PDE12: variants seen among roughly 807,000 people sequenced by gnomAD.
PDE12 encodes the protein 2',5'-phosphodiesterase 12.
A neutral mutation model predicts 45.4 loss-of-function variants in PDE12; 26 were observed. The observed-to-expected ratio is 0.57, with a 90% confidence interval of 0.42 to 0.79. The LOEUF (loss-of-function observed/expected upper bound fraction) is 0.79, where lower values mean the gene tolerates loss of function less well. PDE12 is among the 30% of genes least tolerant of loss of function. The pLI, the probability that PDE12 is intolerant of heterozygous loss-of-function variation, is 0.00. For missense variants in PDE12, 668 were observed against 790.0 expected, an observed-to-expected ratio of 0.85 and a Z score of 1.85; for synonymous variants, 283 against 323.9, an observed-to-expected ratio of 0.87 and a Z score of 1.36.
At chr3:57,645,790 C>T in the PDE12 span, 1 of 1,520,860 alleles carries the variant, frequency 6.6e-7, no homozygotes, top group South Asian at 1.1e-5. Flanking sequence ...AAATAAAGGA[C>T]ACAGAAATTA....
At chr3:57,568,068 C>CAAAAAAAA (rs11360766), downstream of PDE12, among the ~76,000 whole-genome samples, 10 of 47,542 alleles carry the variant, frequency 2.1e-4, 2 homozygotes, top group African/African-American at 9.9e-4. Flanking sequence ...GACTCCATCT[C>CAAAAAAAA]AAAAAAAAAA....
At chr3:57,588,853 A>T in the PDE12 span, among the ~76,000 whole-genome samples, 1 of 151,928 alleles carries the variant, frequency 6.6e-6, no homozygotes, top group Non-Finnish European at 1.5e-5. Flanking sequence ...CTGTAATCCC[A>T]GCACTTTGGG....
At chr3:57,613,387 G>A in the PDE12 span, among the ~76,000 whole-genome samples, 4 of 150,282 alleles carry the variant, frequency 2.7e-5, no homozygotes, top group African/African-American at 7.4e-5. Context: ...TCTGCTGCCC[G>A]GGTTCAGGTG....
the PDE12 span, among the ~76,000 whole-genome samples, chr3:57,576,361 G>T: frequency 6.6e-6 from 1 of 152,090 alleles, no homozygotes; most frequent in Non-Finnish European, 1.5e-5. Flanking sequence ...GACTGCTAAT[G>T]GTCCAAGATT....
the PDE12 span, among the ~76,000 whole-genome samples, chr3:57,653,829 G>T: frequency 6.9e-6 from 1 of 145,650 alleles, no homozygotes; most frequent in Non-Finnish European, 1.5e-5. Context: ...GGAAATCACT[G>T]GGTTTTTTTT....
At chr3:57,588,166 G>A in the PDE12 span, among the ~76,000 whole-genome samples, 2 of 152,050 alleles carry the variant, frequency 1.3e-5, no homozygotes, top group South Asian at 2.1e-4. Flanking sequence ...CCTCCCCTCC[G>A]TGTCCAGAAA....
In PDE12 at chr3:57,564,733, A is replaced by G. The variant is rs1381958587; in HGVS notation, c.*4729A>G. 1 of 151,830 alleles carries G rather than the reference A, an allele frequency of 6.6e-6. No homozygotes were observed. The highest frequency in any genetic ancestry group is 1.5e-5 in the Non-Finnish European group (1 of 67,980). 9.4% of individuals were successfully genotyped at this position (151,830 alleles called of 1,614,324 possible). A position where few individuals can be genotyped will look rare whatever the true frequency, so the allele number is the denominator to read the frequency against. Reference sequence around the variant, plus strand: ...AGGCTTGGAGGGCACTGGTGCCATCACGGCTTACTGCAACCTCCACCTCCT... The same window carrying G: ...AGGCTTGGAGGGCACTGGTGCCATCGCGGCTTACTGCAACCTCCACCTCCT... On this transcript the variant is annotated 3_prime_UTR_variant, in exon 3 of 3. Transcript: ENST00000311180.
chr3:57,628,963 T>C, the PDE12 span: 1 of 1,296,898 alleles, frequency 7.7e-7, no homozygotes, highest in South Asian at 1.4e-5. Flanking sequence ...GTAAGGCTAC[T>C]GTGAAGGAAA....
At chr3:57,618,493 C>G in the PDE12 span, among the ~76,000 whole-genome samples, 1 of 151,622 alleles carries the variant, frequency 6.6e-6, no homozygotes, top group Non-Finnish European at 1.5e-5. Context: ...ACGGTGATGG[C>G]TCACTGCAGC....
chr3:57,605,253 G>C, the PDE12 span, among the ~76,000 whole-genome samples: 2 of 152,284 alleles, frequency 1.3e-5, 1 homozygote, highest in South Asian at 4.2e-4. Flanking sequence ...CAGAATTCCA[G>C]AGAGGAGAGA....
the PDE12 span, among the ~76,000 whole-genome samples, chr3:57,649,319 T>G: frequency 9.9e-5 from 15 of 152,124 alleles, no homozygotes; most frequent in African/African-American, 3.6e-4. Context: ...ACCTCACTCC[T>G]GCAAGAATAG....
At chr3:57,628,257 G>A in the PDE12 span, 2 of 1,613,974 alleles carry the variant, frequency 1.2e-6, no homozygotes, top group Non-Finnish European at 1.7e-6. Flanking sequence ...CAAGTCCTCT[G>A]GCAATGCTAA....
the PDE12 span, among the ~76,000 whole-genome samples, chr3:57,593,408 T>A: frequency 6.6e-6 from 1 of 152,056 alleles, no homozygotes; most frequent in Non-Finnish European, 1.5e-5. Flanking sequence ...GAAACAAATA[T>A]AAAACACCAC....
chr3:57,608,800 C>T, the PDE12 span, among the ~76,000 whole-genome samples: 4 of 152,132 alleles, frequency 2.6e-5, no homozygotes, highest in Non-Finnish European at 5.9e-5. Flanking sequence ...GAGCCTTTAA[C>T]ACCCCACTGT....
chr3:57,587,918 G>C, the PDE12 span, among the ~76,000 whole-genome samples: 3 of 152,070 alleles, frequency 2.0e-5, no homozygotes, highest in African/African-American at 7.2e-5. Context: ...AAGAGTTTTT[G>C]AAAAAGGTAT....
chr3:57,643,933 G>A, the PDE12 span, among the ~76,000 whole-genome samples: 8 of 151,494 alleles, frequency 5.3e-5, no homozygotes, highest in Non-Finnish European at 1.2e-4. Context: ...GGCAGATCAC[G>A]AGGTCAGGAG....
the PDE12 span, chr3:57,628,366 A>G: frequency 1.2e-6 from 2 of 1,609,988 alleles, no homozygotes; most frequent in Admixed American, 1.7e-5. Context: ...AACATTTCAT[A>G]ACATTTAAAT....
rs753976694 is a variant in PDE12 at position 57,566,270 on chromosome 3, TCTTTTA to T, written c.*6270_*6275del. The stretch of plus-strand genomic sequence containing the variant: ...TTTATGTAGTCTTTTGTGACTGGCT[TCTTTTA>T]CTTAGGATGTTTTTAAGGTTCTTAC... On this transcript the variant is annotated 3_prime_UTR_variant, in exon 3 of 3. Coordinates refer to ENST00000311180, the MANE Select transcript of PDE12 (RefSeq NM_177966.7). 1 of 152,226 alleles carries T rather than the reference TCTTTTA, an allele frequency of 6.6e-6. No individual in the cohort carries two copies. Among genetic ancestry groups the T allele is most frequent in the Non-Finnish European group, 1.5e-5 (1 of 68,044 alleles). 9.4% of individuals were successfully genotyped at this position (152,226 alleles called of 1,614,324 possible). A position where few individuals can be genotyped will look rare whatever the true frequency, so the allele number is the denominator to read the frequency against.
chr3:57,619,144 T>C, the PDE12 span, among the ~76,000 whole-genome samples: 1 of 151,600 alleles, frequency 6.6e-6, no homozygotes, highest in Non-Finnish European at 1.5e-5. Flanking sequence ...GGTCAAGAGA[T>C]TGAGACCATC....
Sources: allele counts gnomAD v4.1 joint callset (sites outside exome capture counted in the v4.1 genomes callset), GRCh38; gene constraint gnomAD v4.1.1; transcripts MANE v1.5; gene names NCBI Gene and HGNC (gene_info 2026-07-23, HGNC 2026-07-21).